HNRNPM: variants seen among roughly 807,000 people sequenced by gnomAD.
HNRNPM encodes the protein CEA receptor.
In HNRNPM, 11 loss-of-function variants were observed where a neutral mutation model predicts 73.1. The observed-to-expected ratio is 0.15, with a 90% CI of 0.09 to 0.25. HNRNPM has a LOEUF of 0.25. Ranked by LOEUF, HNRNPM falls within the 10% of genes least tolerant of loss-of-function variation. The pLI is 1.00. For synonymous variants in HNRNPM, 407 were observed against 355.2 expected, an observed-to-expected ratio of 1.15 and a Z score of -1.64; for missense variants, 789 against 1,067.9, an observed-to-expected ratio of 0.74 and a Z score of 3.64.
In HNRNPM at chr19:8,463,706, T is replaced by C. The variant is rs776727103; in HGVS notation, c.438+20T>C. 2.7e-6 allele frequency: 4 copies of C among 1,457,668 alleles called. No individual in the cohort carries two copies. The East Asian group carries it at 9.1e-5, about 33-fold the overall frequency. The allele number at this position is 1,457,668 out of a possible 1,614,324, so 90.3% of individuals were successfully genotyped here. A position where few individuals can be genotyped will look rare whatever the true frequency, so the allele number is the denominator to read the frequency against. ...AAAGAAGTAAGCTCTTGCTTAACACTGCGGATACTGTGTGTAATTGTTGAG... is the reference window on the plus strand; with the variant it reads ...AAAGAAGTAAGCTCTTGCTTAACACCGCGGATACTGTGTGTAATTGTTGAG... On this transcript the variant is annotated intron_variant, in intron 5 of 15. Coordinates refer to ENST00000325495, the MANE Select transcript of HNRNPM (RefSeq NM_005968.5).
rs560870350 is a variant in HNRNPM, at chr19:8,459,726, A to T, written c.284-2803A>T. 3.9e-5 allele frequency among the ~76,000 whole-genome samples: 6 copies of T among 152,228 alleles called. No homozygotes were observed. In the East Asian group the frequency reaches 1.2e-3, roughly 29 times the overall value. ...ATTTGGCTAAAGGTCTGTGCAGGAG[A>T]GTGAGGTCACAGTAGCTCCCAGGGA... On this transcript the variant is annotated intron_variant, in intron 2 of 15. Transcript: ENST00000325495.
intron 2 of HNRNPM, among the ~76,000 whole-genome samples, chr19:8,459,359 A>G (rs1212489559): frequency 2.6e-5 from 4 of 152,144 alleles, no homozygotes; most frequent in East Asian, 1.9e-4. Flanking sequence ...TTGCCACGCA[A>G]TTGAGGAGCG....
intron 1 of HNRNPM, among the ~76,000 whole-genome samples, chr19:8,454,029 C>T (rs1968815061): frequency 6.6e-6 from 1 of 152,210 alleles, no homozygotes; most frequent in African/African-American, 2.4e-5. Context: ...AGTTTCCCAG[C>T]TTCAAAGTAG....
intron 7 of HNRNPM, among the ~76,000 whole-genome samples, chr19:8,467,069 C>A (rs1276149514): frequency 7.4e-6 from 1 of 136,000 alleles, no homozygotes; most frequent in African/African-American, 2.5e-5. Context: ...GAGTAGACAT[C>A]ATTTTGGAAG....
intron 15 of HNRNPM, chr19:8,487,997 C>T (rs546132562): frequency 5.9e-5 from 9 of 152,602 alleles, no homozygotes; most frequent in Non-Finnish European, 1.0e-4. Flanking sequence ...CTCCATCTCC[C>T]TCCTGTCCCA....
chr19:8,467,494 AT>A, intron 7 of HNRNPM, 40 bp from the exon 8 acceptor site: 2 of 1,518,778 alleles, frequency 1.3e-6, no homozygotes, highest in Non-Finnish European at 1.8e-6. Flanking sequence ...TCTTGTGCAC[AT>A]TTTTAGAATT....
At chr19:8,455,068 G>A (rs1019190396) in intron 1 of HNRNPM, among the ~76,000 whole-genome samples, 23 of 152,016 alleles carry the variant, frequency 1.5e-4, no homozygotes, top group African/African-American at 5.6e-4. Flanking sequence ...TCGAACTCCC[G>A]AGTTTAAGTG....
chr19:8,480,036 G>C (rs1970799377), intron 12 of HNRNPM, among the ~76,000 whole-genome samples: 1 of 143,932 alleles, frequency 6.9e-6, no homozygotes. Flanking sequence ...GCCTCCCAAA[G>C]TGCTGGGATT....
chr19:8,463,537 AG>A, intron 4 of HNRNPM, 33 bp downstream of exon 4: 1 of 1,613,486 alleles, frequency 6.2e-7, no homozygotes, highest in Non-Finnish European at 8.5e-7. Flanking sequence ...TTGGTATTTG[AG>A]CCTTCTAACT....
intron 5 of HNRNPM, among the ~76,000 whole-genome samples, 153 bp from the exon 6 acceptor site, chr19:8,465,171 G>C (rs141213397): frequency 6.6e-6 from 1 of 152,272 alleles, no homozygotes; most frequent in African/African-American, 2.4e-5. Context: ...TAAGCTGGTA[G>C]TTGAGTTCAT....
chr19:8,486,686 G>A (rs559937740), intron 14 of HNRNPM, among the ~76,000 whole-genome samples: 5 of 152,212 alleles, frequency 3.3e-5, no homozygotes, highest in South Asian at 4.1e-4. Flanking sequence ...TGTGTTGCAC[G>A]ATGGTCCAGG....
rs752121983 is a variant in HNRNPM at position 8,445,022 on chromosome 19, G to T, written c.24G>T (p.Ala8=). The change falls in exon 1 of 16, where the codon GCG becomes GCT. Residue 8 remains alanine (A), a synonymous_variant. Coordinates refer to ENST00000325495, the MANE Select transcript of HNRNPM (RefSeq NM_005968.5). MAAGVEA[A]AEVAATEIKM... ...AAATGGCGGCAGGGGTCGAAGCGGC[G>T]GCGGAGGTGGCGGCGACGGAGATCA... The T allele has an allele frequency of 6.3e-6, 9 of 1,422,332 alleles. No individual in the cohort carries two copies. The highest frequency in any genetic ancestry group is 8.3e-6 in the Non-Finnish European group (9 of 1,090,858). The allele number at this position is 1,422,332 out of a possible 1,614,324, so 88.1% of individuals were successfully genotyped here. A position where few individuals can be genotyped will look rare whatever the true frequency, so the allele number is the denominator to read the frequency against.
In HNRNPM at chr19:8,455,019, G is replaced by A. The variant is rs11670577; in HGVS notation, c.114-386G>A. Among the ~76,000 whole-genome samples, 6 of 152,158 alleles carry A rather than the reference G, an allele frequency of 3.9e-5. No individual in the cohort carries two copies. The East Asian group carries it at 1.2e-3, about 29-fold the overall frequency. On this transcript the variant is annotated intron_variant, in intron 1 of 15. Coordinates refer to ENST00000325495, the MANE Select transcript of HNRNPM (RefSeq NM_005968.5). ...GACAGGGTCTCGCTCTGTCACCCTA[G>A]GCTGGAGTGCAGTAGGGTGATCATA... is the stretch of plus-strand genomic sequence containing the variant.
intron 2 of HNRNPM, among the ~76,000 whole-genome samples, chr19:8,461,172 G>A (rs1969370639): frequency 1.3e-5 from 2 of 152,222 alleles, no homozygotes; most frequent in Non-Finnish European, 1.5e-5. Flanking sequence ...CAAAGAGGGT[G>A]AGGCTCTAGA....
At chr19:8,467,158 C>G (rs1969813896) in intron 7 of HNRNPM, among the ~76,000 whole-genome samples, 1 of 152,162 alleles carries the variant, frequency 6.6e-6, no homozygotes, top group Non-Finnish European at 1.5e-5. Context: ...CACATTCATA[C>G]AACTCAGACA....
chr19:8,483,152 C>A lies in HNRNPM; in HGVS notation c.1121-6C>A. ...GCTAATTTTTTTTTCTTCCTGATTTCCTTAGAAATCCTAAGTAATGCACTG... is the reference window on the plus strand; with the variant it reads ...GCTAATTTTTTTTTCTTCCTGATTTACTTAGAAATCCTAAGTAATGCACTG... On this transcript the variant is annotated splice_polypyrimidine_tract_variant and splice_region_variant and intron_variant, in intron 12 of 15. Transcript: ENST00000325495. 1 of 1,602,996 alleles carries A rather than the reference C, an allele frequency of 6.2e-7. No individual in the cohort carries two copies. Among genetic ancestry groups the A allele is most frequent in the Non-Finnish European group, 8.5e-7 (1 of 1,172,574 alleles).
chr19:8,458,137 C>CGG (rs34811921), intron 2 of HNRNPM, among the ~76,000 whole-genome samples: 111 of 152,162 alleles, frequency 7.3e-4, no homozygotes, highest in African/African-American at 2.5e-3. Flanking sequence ...AAGGATACTC[C>CGG]GGGGGGAGAT....
rs1182175173 is a variant in HNRNPM, at chr19:8,463,671, A to G, written c.423A>G (p.Pro141=). ...VLNKHSLSGR[P]LKVKEDPDGE... Reference sequence around the variant, plus strand: ...ACAAGCATAGTCTGAGCGGAAGACCACTGAAAGTCAAAGAAGTAAGCTCTT... The same window carrying G: ...ACAAGCATAGTCTGAGCGGAAGACCGCTGAAAGTCAAAGAAGTAAGCTCTT... Residue 141 remains proline, a synonymous_variant, in exon 5 of 16, where the codon CCA becomes CCG. Transcript: ENST00000325495. 6.2e-7 allele frequency: 1 copy of G among 1,611,322 alleles called. No individual in the cohort carries two copies. The highest frequency in any genetic ancestry group is 1.7e-5 in the Admixed American group (1 of 60,006).
chr19:8,445,836 G>A (rs909145876), intron 1 of HNRNPM, among the ~76,000 whole-genome samples: 13 of 152,274 alleles, frequency 8.5e-5, no homozygotes, highest in African/African-American at 3.1e-4. Context: ...CTCGGAAGCA[G>A]ACAGATACGA....
Sources: gnomAD v4.1 joint callset for allele counts (sites outside exome capture counted in the v4.1 genomes callset) on GRCh38, gnomAD v4.1.1 for gene constraint, MANE v1.5 for transcripts, NCBI Gene and HGNC (gene_info 2026-07-23, HGNC 2026-07-21) for gene names.